STAU1: variants seen among roughly 807,000 people sequenced by gnomAD.
STAU1 encodes double-stranded RNA-binding protein Staufen homolog 1.
In STAU1, 13 loss-of-function variants were observed where a neutral mutation model predicts 62.9. The ratio of observed to expected loss-of-function variants is 0.21; its 90% CI spans 0.13 to 0.33. The LOEUF (loss-of-function observed/expected upper bound fraction) is 0.33, where lower values mean the gene tolerates loss of function less well. Ranked by LOEUF, STAU1 falls within the 10% of genes least tolerant of loss-of-function variation. The probability of loss-of-function intolerance (pLI) is 1.00; values close to 1 mark genes in which losing one functional copy is unlikely to be tolerated. For synonymous variants in STAU1, 269 were observed against 265.1 expected, an observed-to-expected ratio of 1.01 and a Z score of -0.14; for missense variants, 571 against 712.1, an observed-to-expected ratio of 0.80 and a Z score of 2.25.
At chr20:49,182,859 T>G (rs1215058078) in intron 1 of STAU1, among the ~76,000 whole-genome samples, 3 of 145,892 alleles carry the variant, frequency 2.1e-5, no homozygotes, top group Non-Finnish European at 3.0e-5. Context: ...AAAAAAATAG[T>G]AGACGGTGTT....
At chr20:49,143,583 A>C (rs1279725153) in intron 5 of STAU1, among the ~76,000 whole-genome samples, 1 of 152,200 alleles carries the variant, frequency 6.6e-6, no homozygotes, top group Non-Finnish European at 1.5e-5. Context: ...ACAGAGGAAG[A>C]CCCTATTTCA....
chr20:49,170,661 C>T (rs2093585156), intron 2 of STAU1, among the ~76,000 whole-genome samples: 1 of 151,744 alleles, frequency 6.6e-6, no homozygotes, highest in African/African-American at 2.4e-5. Flanking sequence ...GCCAGAAAAA[C>T]ATTTTTAATA....
chr20:49,127,841 C>G (rs531678343), intron 6 of STAU1, among the ~76,000 whole-genome samples: 1 of 151,720 alleles, frequency 6.6e-6, no homozygotes, highest in Non-Finnish European at 1.5e-5. Flanking sequence ...GGCAAAACCC[C>G]GTCTCTACAA....
At position 49,117,076 on chromosome 20, in the gene STAU1, C is replaced by G; in HGVS notation, c.1632+50G>C. Reference sequence around the variant, plus strand: ...TAGTAACAAGCTGAACCAAGGCAGGCTCCACATAAACACACAACACCCCAA... The same window carrying G: ...TAGTAACAAGCTGAACCAAGGCAGGGTCCACATAAACACACAACACCCCAA... On this transcript the variant is annotated intron_variant, in intron 12 of 13. Coordinates refer to ENST00000371856, the MANE Select transcript of STAU1 (RefSeq NM_017453.4). This position sits in a 1 kb window ranked among gnomAD's most constrained non-coding sequence, Gnocchi z 4.6. 6.2e-7 allele frequency: 1 copy of G among 1,605,902 alleles called. No homozygotes were observed. Among genetic ancestry groups the G allele is most frequent in the African/African-American group, 1.3e-5 (1 of 74,854 alleles).
At chr20:49,124,639 TC>T (rs1258005346) in intron 6 of STAU1, 52 bp from the exon 7 acceptor site, 1 of 1,591,806 alleles carries the variant, frequency 6.3e-7, no homozygotes, top group Admixed American at 1.7e-5. Flanking sequence ...TATTAAAAGC[TC>T]CAAGGCACAC....
At position 49,130,618 on chromosome 20, in the gene STAU1, C is replaced by A. The variant is rs545042587; in HGVS notation, c.609+5215G>T. ...AAAAAAAGCAGCAATGCATCTATAC[C>A]GATATAATTACTATAAGAGGGGAGG... On this transcript the variant is annotated intron_variant, in intron 6 of 13. Coordinates refer to ENST00000371856, the MANE Select transcript of STAU1 (RefSeq NM_017453.4). 2.5e-3 allele frequency among the ~76,000 whole-genome samples: 374 copies of A among 152,160 alleles called. 2 individuals are homozygous for A. The South Asian group carries it at 0.042, about 17-fold the overall frequency.
intron 8 of STAU1, among the ~76,000 whole-genome samples, chr20:49,122,577 TG>T (rs1297983615): frequency 3.9e-5 from 6 of 152,214 alleles, no homozygotes; most frequent in Non-Finnish European, 8.8e-5. Flanking sequence ...CAGATTTCTG[TG>T]GTATGTTTAA....
In STAU1 at chr20:49,175,798, C is replaced by CTTTTTTTTTTT. The variant is rs386393906; in HGVS notation, c.-159-1540_-159-1530dup. 2.9e-5 allele frequency among the ~76,000 whole-genome samples: 3 copies of CTTTTTTTTTTT among 104,824 alleles called. 1 individual carries two copies. The highest frequency in any genetic ancestry group is 1.9e-5 in the Non-Finnish European group (1 of 53,964). 68.8% of individuals were successfully genotyped at this position (104,824 alleles called of 152,430 possible). On this transcript the variant is annotated intron_variant, in intron 1 of 13. Coordinates refer to ENST00000371856, the MANE Select transcript of STAU1 (RefSeq NM_017453.4). Reference sequence around the variant, plus strand: ...GCCACCACACCCAACCTCATAATGCCTTTTTTTTTTTTTTTTGAGACGGAG... The same window carrying CTTTTTTTTTTT: ...GCCACCACACCCAACCTCATAATGCCTTTTTTTTTTTTTTTTTTTTTTTTTTTGAGACGGAG...
chr20:49,198,324 A>T, the STAU1 span, among the ~76,000 whole-genome samples: 58 of 151,650 alleles, frequency 3.8e-4, 1 homozygote, highest in South Asian at 0.011. Context: ...AACCAGCCTG[A>T]TCAACCTGGT....
intron 3 of STAU1, chr20:49,159,285 A>T (rs533214533): frequency 1.8e-5 from 6 of 328,272 alleles, no homozygotes; most frequent in Non-Finnish European, 2.7e-5. Flanking sequence ...TGATAGAACC[A>T]AAAGTATACC....
At chr20:49,144,762 G>A (rs906773616) in intron 5 of STAU1, among the ~76,000 whole-genome samples, 3 of 152,166 alleles carry the variant, frequency 2.0e-5, no homozygotes, top group Non-Finnish European at 4.4e-5. Flanking sequence ...GACAATAAAA[G>A]AAGGTGTCAT....
chr20:49,190,921 T>TTTTA (rs2093830356), upstream of STAU1, among the ~76,000 whole-genome samples: 1 of 151,542 alleles, frequency 6.6e-6, no homozygotes, highest in African/African-American at 2.4e-5. Flanking sequence ...TTTTTTTTTT[T>TTTTA]TTGAGACAGA....
At chr20:49,163,419 C>CTTTTTTTTTTTTTT (rs200864480) in intron 3 of STAU1, among the ~76,000 whole-genome samples, 1 of 82,440 alleles carries the variant, frequency 1.2e-5, no homozygotes, top group African/African-American at 5.2e-5. Context: ...GTGTTTAAAC[C>CTTTTTTTTTTTTTT]TTTTTTTTTT....
chr20:49,141,751 C>T (rs1043229489), intron 5 of STAU1, among the ~76,000 whole-genome samples: 2 of 151,528 alleles, frequency 1.3e-5, no homozygotes, highest in Admixed American at 6.6e-5. Flanking sequence ...AGAAAGTAGC[C>T]GGGTGAGACT....
chr20:49,149,129 T>C (rs1010192518), intron 5 of STAU1, among the ~76,000 whole-genome samples: 2 of 152,112 alleles, frequency 1.3e-5, no homozygotes, highest in African/African-American at 4.8e-5. Context: ...TGAGCACCTG[T>C]AGTCCCAGCT....
chr20:49,212,057 T>C, the STAU1 span, among the ~76,000 whole-genome samples: 2 of 152,126 alleles, frequency 1.3e-5, no homozygotes, highest in Admixed American at 1.3e-4. Context: ...GGCACGGTCA[T>C]GGCTCAGTGC....
intron 1 of STAU1, among the ~76,000 whole-genome samples, chr20:49,174,491 G>A (rs555969974): frequency 1.9e-3 from 283 of 152,134 alleles, no homozygotes; most frequent in Non-Finnish European, 3.3e-3. Flanking sequence ...AGGCCGAGGC[G>A]GGCAGACCAC....
At chr20:49,186,764 A>C (rs35667796) in intron 1 of STAU1, among the ~76,000 whole-genome samples, 31,808 of 151,862 alleles carry the variant, frequency 0.21, 3,406 homozygotes, top group Non-Finnish European at 0.23. Context: ...TGCAATTTAC[A>C]CTTGGTAAGC....
the STAU1 span, among the ~76,000 whole-genome samples, chr20:49,202,230 A>AAAGAAAGAAAGAAAG: frequency 1.5e-5 from 2 of 130,366 alleles, no homozygotes; most frequent in Non-Finnish European, 3.2e-5. Context: ...AAAAAAAAAA[A>AAAGAAAGAAAGAAAG]AAAGAAAGAA....
Sources: allele counts gnomAD v4.1 joint callset (sites outside exome capture counted in the v4.1 genomes callset), GRCh38; gene constraint gnomAD v4.1.1; non-coding constraint Gnocchi (gnomAD v3.1); transcripts MANE v1.5; gene names NCBI Gene and HGNC (gene_info 2026-07-23, HGNC 2026-07-21).